The following BICC1 variants were observed in gnomAD, a reference collection of about 807,000 sequenced individuals.
BICC1 encodes the protein BicC family RNA binding protein 1.
A neutral mutation model predicts 111.0 loss-of-function variants in BICC1; 43 were observed. The observed-to-expected ratio is 0.39, with a 90% confidence interval of 0.30 to 0.50. The LOEUF is 0.50. BICC1 is among the 20% of genes least tolerant of loss of function. The probability of loss-of-function intolerance (pLI) is 0.88; values close to 1 mark genes in which losing one functional copy is unlikely to be tolerated. For missense variants in BICC1, 1,091 were observed against 1,203.2 expected (o/e 0.91, Z 1.38); for synonymous variants, 467 against 434.4 (o/e 1.07, Z -0.93).
intron 2 of BICC1, among the ~76,000 whole-genome samples, chr10:58,691,564 G>T (rs1030020606): frequency 1.3e-5 from 2 of 152,144 alleles, no homozygotes; most frequent in African/African-American, 2.4e-5. Context: ...CCCACAAAGT[G>T]GTTTTTGCAT....
intron 1 of BICC1, among the ~76,000 whole-genome samples, chr10:58,614,417 A>C (rs1845535592): frequency 6.6e-6 from 1 of 152,222 alleles, no homozygotes; most frequent in African/African-American, 2.4e-5. Context: ...AATTGAGGTA[A>C]AATCAGGCTC....
In BICC1 at chr10:58,819,214, A is replaced by G. The variant is rs149495503; in HGVS notation, c.2695-1155A>G. On this transcript the variant is annotated intron_variant, in intron 19 of 20. Transcript: ENST00000373886. ...GCCCACAAAGCCTAAAATATTTACCATCTGGTCCTTTAAGAGAAAGCTGGG... is the reference window on the plus strand; with the variant it reads ...GCCCACAAAGCCTAAAATATTTACCGTCTGGTCCTTTAAGAGAAAGCTGGG... Among the ~76,000 whole-genome samples, 948 of 152,300 alleles carry G rather than the reference A, an allele frequency of 6.2e-3. 6 individuals carry two copies. Among genetic ancestry groups the G allele is most frequent in the African/African-American group, 0.021 (887 of 41,578 alleles).
intron 1 of BICC1, among the ~76,000 whole-genome samples, chr10:58,542,676 A>G (rs1168656722): frequency 1.3e-5 from 2 of 152,162 alleles, no homozygotes; most frequent in African/African-American, 4.8e-5. Context: ...ACAAACATCA[A>G]AATTTAAAAA....
chr10:58,604,480 C>G (rs952223047), intron 1 of BICC1, among the ~76,000 whole-genome samples: 2 of 151,974 alleles, frequency 1.3e-5, no homozygotes, highest in Non-Finnish European at 2.9e-5. Flanking sequence ...CCATCCTGAT[C>G]CAACCCCATC....
At chr10:58,654,424 G>T in intron 2 of BICC1, among the ~76,000 whole-genome samples, 2 of 26,734 alleles carry the variant, frequency 7.5e-5, no homozygotes, top group African/African-American at 1.1e-4. Context: ...GCATTTCTCT[G>T]ATGGCCAGTG....
intron 2 of BICC1, among the ~76,000 whole-genome samples, chr10:58,633,144 T>G (rs1837849472): frequency 6.6e-6 from 1 of 152,142 alleles, no homozygotes; most frequent in Non-Finnish European, 1.5e-5. Context: ...GTCTGGGAGA[T>G]CTGATGGTTT....
intron 1 of BICC1, among the ~76,000 whole-genome samples, chr10:58,587,213 C>T (rs1193214772): frequency 2.6e-5 from 4 of 152,060 alleles, no homozygotes; most frequent in Non-Finnish European, 4.4e-5. Flanking sequence ...GCTTGCTTTA[C>T]CTAATAGGTT....
At chr10:58,590,547 T>C (rs1844579521) in intron 1 of BICC1, among the ~76,000 whole-genome samples, 2 of 152,240 alleles carry the variant, frequency 1.3e-5, no homozygotes, top group South Asian at 4.1e-4. Flanking sequence ...AAGAAGGCTA[T>C]GATAATTACA....
At chr10:58,614,337 A>G (rs1348193243) in intron 1 of BICC1, among the ~76,000 whole-genome samples, 2 of 152,182 alleles carry the variant, frequency 1.3e-5, no homozygotes, top group African/African-American at 2.4e-5. Context: ...ACCTGAGACC[A>G]TGATCTAACC....
intron 1 of BICC1, among the ~76,000 whole-genome samples, chr10:58,576,827 C>G (rs1305249490): frequency 6.6e-6 from 1 of 151,966 alleles, no homozygotes; most frequent in East Asian, 1.9e-4. Context: ...TTGAGGGGGA[C>G]AAAATAATGA....
At chr10:58,790,825 GAAAT>G (rs1815589712) in intron 8 of BICC1, among the ~76,000 whole-genome samples, 1 of 152,158 alleles carries the variant, frequency 6.6e-6, no homozygotes, top group Non-Finnish European at 1.5e-5. Flanking sequence ...GAAATGGAAT[GAAAT>G]AAACTATCCC....
chr10:58,663,353 C>G (rs184508217), intron 2 of BICC1, among the ~76,000 whole-genome samples: 1 of 152,322 alleles, frequency 6.6e-6, no homozygotes, highest in Admixed American at 6.5e-5. Flanking sequence ...AGGTGTGAAT[C>G]ACCACATCCG....
intron 3 of BICC1, among the ~76,000 whole-genome samples, chr10:58,753,617 A>G (rs1421553113): frequency 6.6e-6 from 1 of 152,078 alleles, no homozygotes; most frequent in Admixed American, 6.6e-5. Context: ...TTATGATGCC[A>G]CTTCTCTGCA....
At chr10:58,728,788 A>C (rs191617286) in intron 3 of BICC1, among the ~76,000 whole-genome samples, 1 of 152,284 alleles carries the variant, frequency 6.6e-6, no homozygotes, top group East Asian at 1.9e-4. Flanking sequence ...AGCAGGCGTA[A>C]AAACATTAAT....
chr10:58,536,614 CA>C (rs1842832983), intron 1 of BICC1, among the ~76,000 whole-genome samples: 1 of 151,566 alleles, frequency 6.6e-6, no homozygotes, highest in African/African-American at 2.4e-5. Flanking sequence ...AAAAAATCTG[CA>C]AGGTTACAAA....
chr10:58,630,154 A>G (rs1472010870), intron 2 of BICC1, among the ~76,000 whole-genome samples: 1 of 152,052 alleles, frequency 6.6e-6, no homozygotes, highest in Non-Finnish European at 1.5e-5. Flanking sequence ...ACTCATCTCT[A>G]TTGAGTTAGG....
At chr10:58,745,009 T>G (rs1355117617) in intron 3 of BICC1, among the ~76,000 whole-genome samples, 1 of 152,176 alleles carries the variant, frequency 6.6e-6, no homozygotes, top group Non-Finnish European at 1.5e-5. Context: ...AGGCCTTAAA[T>G]TAGATTTTCT....
intron 2 of BICC1, among the ~76,000 whole-genome samples, chr10:58,672,512 A>G (rs1839214228): frequency 1.3e-5 from 2 of 152,130 alleles, no homozygotes; most frequent in Non-Finnish European, 2.9e-5. Context: ...GCCTTTTCTG[A>G]TTATTAGACT....
In BICC1 at chr10:58,521,768, GTTTTTT is replaced by G. The variant is rs573116230; in HGVS notation, c.190+8468_190+8473del. 5.5e-4 allele frequency among the ~76,000 whole-genome samples: 62 copies of G among 112,792 alleles called. 1 individual carries two copies. Among genetic ancestry groups the G allele is most frequent in the African/African-American group, 1.8e-3 (60 of 33,412 alleles). 74.0% of individuals were successfully genotyped at this position (112,792 alleles called of 152,430 possible). On this transcript the variant is annotated intron_variant, in intron 1 of 20. Coordinates refer to ENST00000373886, the MANE Select transcript of BICC1 (RefSeq NM_001080512.3). ...ATGAAAATCAGCCAGGGAATGTGGT[GTTTTTT>G]TTTTTTTTTTTTTTTTTTTTTTTTT... is the stretch of plus-strand genomic sequence containing the variant.
Sources: allele counts gnomAD v4.1 joint callset (sites outside exome capture counted in the v4.1 genomes callset), GRCh38; gene constraint gnomAD v4.1.1; transcripts MANE v1.5; gene names NCBI Gene and HGNC (gene_info 2026-07-23, HGNC 2026-07-21).